AFF1: variants seen among roughly 807,000 people sequenced by gnomAD.
AFF1 encodes AF4/FMR2 family member 1.
A neutral mutation model predicts 121.7 loss-of-function variants in AFF1; 48 were observed. That is an observed-to-expected ratio of 0.39 (90% confidence interval 0.31 to 0.50). The LOEUF is 0.50. Among genes scored for constraint, AFF1 ranks in the 20% least tolerant of loss-of-function variants. AFF1 has a pLI of 0.76. For missense variants in AFF1, 1,523 were observed against 1,511.7 expected (o/e 1.01, Z -0.12); for synonymous variants, 613 against 563.0 (o/e 1.09, Z -1.26).
intron 2 of AFF1, among the ~76,000 whole-genome samples, chr4:87,042,010 GAAA>G (rs571154413): frequency 3.2e-5 from 4 of 124,802 alleles, no homozygotes; most frequent in Non-Finnish European, 6.9e-5. Context: ...ACTCCATCTG[GAAA>G]AAAAAAAAAA....
chr4:86,993,893 G>GGT (rs1157558335), intron 2 of AFF1, among the ~76,000 whole-genome samples: 6 of 152,206 alleles, frequency 3.9e-5, no homozygotes, highest in African/African-American at 1.4e-4. Flanking sequence ...GAACCCAGGA[G>GGT]GTGGAGGTTT....
intron 12 of AFF1, 90 bp downstream of exon 12, chr4:87,115,389 A>T: frequency 7.8e-7 from 1 of 1,280,936 alleles, no homozygotes; most frequent in South Asian, 1.5e-5. Context: ...ATTTAGGCCC[A>T]GTTGAGTTGT....
intron 19 of AFF1, 31 bp downstream of exon 19, chr4:87,132,439 A>G: frequency 6.4e-7 from 1 of 1,564,070 alleles, no homozygotes; most frequent in South Asian, 1.2e-5. Context: ...AATAATTTCC[A>G]GAATTGAGTC....
chr4:87,051,457 T>C (rs1731249452), intron 4 of AFF1, among the ~76,000 whole-genome samples: 1 of 151,940 alleles, frequency 6.6e-6, no homozygotes, highest in Admixed American at 6.5e-5. Context: ...AACTGGTATT[T>C]TGTTTGTTTT....
chr4:87,051,288 A>G (rs1262371219), intron 4 of AFF1, among the ~76,000 whole-genome samples: 2 of 152,152 alleles, frequency 1.3e-5, no homozygotes, highest in Non-Finnish European at 2.9e-5. Flanking sequence ...TTTTGACCAG[A>G]AGAGTTGTAA....
intron 12 of AFF1, among the ~76,000 whole-genome samples, chr4:87,118,115 G>T (rs1578289991): frequency 6.6e-6 from 1 of 152,230 alleles, no homozygotes; most frequent in East Asian, 1.9e-4. Context: ...GTGGTATTTA[G>T]TGTTTTTATT....
At position 87,049,246 on chromosome 4, in the gene AFF1, C is replaced by T. The variant is rs553113844; in HGVS notation, c.1059+1652C>T. On this transcript the variant is annotated intron_variant, in intron 4 of 20. Coordinates refer to ENST00000395146, the MANE Select transcript of AFF1 (RefSeq NM_001166693.3). ...GTGCAAGATTCTGTGCCAGAGAAAT[C>T]GGTCCTTGCTGCAGGACAGATTAGT... Among the ~76,000 whole-genome samples the T allele has an allele frequency of 4.6e-5, 7 of 152,322 alleles. No homozygotes were observed. In the East Asian group the frequency reaches 9.6e-4, roughly 21 times the overall value.
chr4:87,110,998 A>AT lies in AFF1; in HGVS notation c.1533+2696dup, dbSNP rs1263757983. Among the ~76,000 whole-genome samples, 148 of 81,064 alleles carry AT rather than the reference A, an allele frequency of 1.8e-3. 28 individuals carry two copies. Among genetic ancestry groups the AT allele is most frequent in the African/African-American group, 3.3e-3 (59 of 17,772 alleles). 53.2% of individuals were successfully genotyped at this position (81,064 alleles called of 152,430 possible). A position where few individuals can be genotyped will look rare whatever the true frequency, so the allele number is the denominator to read the frequency against. On this transcript the variant is annotated intron_variant, in intron 11 of 20. Transcript: ENST00000395146. ...TGGCACTTTTATCTACTTAAACTTTATTTTTTTTTTTTTATTTTTTTTTTT... is the reference window on the plus strand; with the variant it reads ...TGGCACTTTTATCTACTTAAACTTTATTTTTTTTTTTTTTATTTTTTTTTTT...
At chr4:87,021,878 C>T (rs1357929099) in intron 2 of AFF1, among the ~76,000 whole-genome samples, 1 of 152,176 alleles carries the variant, frequency 6.6e-6, no homozygotes, top group African/African-American at 2.4e-5. Flanking sequence ...TGAAGAGGAA[C>T]AGATAAATCT....
chr4:87,120,665 G>A (rs1021298381), intron 12 of AFF1, among the ~76,000 whole-genome samples: 1 of 152,188 alleles, frequency 6.6e-6, no homozygotes, highest in African/African-American at 2.4e-5. Context: ...TGGTTACCGC[G>A]TCAGCCCCGG....
At chr4:86,965,343 C>T (rs1450801154) in intron 2 of AFF1, among the ~76,000 whole-genome samples, 1 of 152,198 alleles carries the variant, frequency 6.6e-6, no homozygotes, top group Non-Finnish European at 1.5e-5. Context: ...CACTTTTCGG[C>T]TAATTTGTCA....
chr4:86,945,054 C>T (rs1560492474), intron 1 of AFF1, among the ~76,000 whole-genome samples: 1 of 152,208 alleles, frequency 6.6e-6, no homozygotes, highest in Non-Finnish European at 1.5e-5. Flanking sequence ...ATAAAGTTTG[C>T]ATCATTCACA....
At chr4:86,938,191 T>C (rs954624944) in intron 1 of AFF1, among the ~76,000 whole-genome samples, 5 of 152,158 alleles carry the variant, frequency 3.3e-5, no homozygotes, top group Admixed American at 2.0e-4. Flanking sequence ...GGCTCACGCC[T>C]GTAATCCCAA....
chr4:86,988,248 A>G (rs773420157), intron 2 of AFF1, among the ~76,000 whole-genome samples: 18 of 152,100 alleles, frequency 1.2e-4, no homozygotes, highest in Non-Finnish European at 2.1e-4. Flanking sequence ...TAGTCACCCT[A>G]CTGTGCTATC....
At chr4:87,082,192 C>G (rs1723246249) in intron 4 of AFF1, among the ~76,000 whole-genome samples, 1 of 152,110 alleles carries the variant, frequency 6.6e-6, no homozygotes, top group Non-Finnish European at 1.5e-5. Context: ...TGTGCTTGTT[C>G]TATTGATTCA....
At chr4:87,091,770 A>T in intron 6 of AFF1, 23 bp from the exon 7 acceptor site, 1 of 1,447,102 alleles carries the variant, frequency 6.9e-7, no homozygotes, top group Non-Finnish European at 9.4e-7. Flanking sequence ...TTTAATAATT[A>T]GATATTTTTA....
intron 2 of AFF1, among the ~76,000 whole-genome samples, chr4:87,009,851 T>G (rs1726554423): frequency 6.6e-6 from 1 of 152,224 alleles, no homozygotes; most frequent in African/African-American, 2.4e-5. Context: ...GACCATGTAC[T>G]ACTACACATT....
At chr4:86,989,203 A>G (rs1182659972) in intron 2 of AFF1, among the ~76,000 whole-genome samples, 1 of 152,258 alleles carries the variant, frequency 6.6e-6, no homozygotes, top group Non-Finnish European at 1.5e-5. Context: ...TAATTAAACT[A>G]AAGAGCTTCT....
chr4:86,998,581 C>A (rs907778186), intron 2 of AFF1, among the ~76,000 whole-genome samples: 5 of 152,132 alleles, frequency 3.3e-5, no homozygotes, highest in Non-Finnish European at 7.3e-5. Context: ...ACATTTCATT[C>A]AATTTTGATG....
Sources: allele counts gnomAD v4.1 joint callset (sites outside exome capture counted in the v4.1 genomes callset), GRCh38; gene constraint gnomAD v4.1.1; transcripts MANE v1.5; gene names NCBI Gene and HGNC (gene_info 2026-07-23, HGNC 2026-07-21).